PRSS23: variants seen among roughly 807,000 people sequenced by gnomAD.
PRSS23 encodes serine protease 23.
PRSS23 carries 25 observed loss-of-function variants against 34.7 expected under a neutral mutation model. The ratio of observed to expected loss-of-function variants is 0.72; its 90% CI spans 0.53 to 1.01. The LOEUF is 1.01. Ranked by LOEUF, PRSS23 falls within the 50% of genes least tolerant of loss-of-function variation. PRSS23 has a pLI of 0.00. For synonymous variants in PRSS23, 176 were observed against 186.6 expected, an observed-to-expected ratio of 0.94 and a Z score of 0.46; for missense variants, 445 against 475.6, an observed-to-expected ratio of 0.94 and a Z score of 0.60.
At chr11:86,841,385 G>A (rs12365857) in intron 2 of PRSS23, among the ~76,000 whole-genome samples, 59,748 of 145,724 alleles carry the variant, frequency 0.41, 12,621 homozygotes, top group East Asian at 0.47. Flanking sequence ...CAAGGACTAG[G>A]GAAGCCAGAG....
chr11:86,871,674 A>G (rs1168835177), intron 2 of PRSS23, among the ~76,000 whole-genome samples: 1 of 152,166 alleles, frequency 6.6e-6, no homozygotes, highest in African/African-American at 2.4e-5. Flanking sequence ...ATGACTGACA[A>G]CAATTGCCTC....
chr11:86,904,191 G>T (rs1948928329), intron 2 of PRSS23, among the ~76,000 whole-genome samples: 1 of 152,180 alleles, frequency 6.6e-6, no homozygotes, highest in South Asian at 2.1e-4. Flanking sequence ...TGTGGACCCA[G>T]GTTGAAGGAA....
chr11:86,832,618 C>T (rs536181254), intron 2 of PRSS23: 32 of 493,252 alleles, frequency 6.5e-5, no homozygotes, highest in African/African-American at 4.5e-4. Context: ...GGGTGATCAC[C>T]GTGTACATCA....
chr11:86,896,136 A>G (rs534082804), intron 2 of PRSS23, among the ~76,000 whole-genome samples: 2 of 152,310 alleles, frequency 1.3e-5, no homozygotes, highest in East Asian at 1.9e-4. Context: ...AAAACTACCA[A>G]TTAAGTTTGC....
chr11:86,906,532 G>T (rs1948944215), intron 2 of PRSS23, among the ~76,000 whole-genome samples: 1 of 152,202 alleles, frequency 6.6e-6, no homozygotes, highest in Admixed American at 6.5e-5. Context: ...GCAGTGCCTC[G>T]CCAACTCCGG....
At chr11:86,824,964 G>T (rs1049132319) in intron 2 of PRSS23, among the ~76,000 whole-genome samples, 3 of 152,106 alleles carry the variant, frequency 2.0e-5, no homozygotes, top group Non-Finnish European at 4.4e-5. Flanking sequence ...CTTTATAGCA[G>T]CATGATTTAT....
intron 2 of PRSS23, among the ~76,000 whole-genome samples, chr11:86,824,892 G>C (rs1948286973): frequency 6.6e-6 from 1 of 151,934 alleles, no homozygotes; most frequent in African/African-American, 2.4e-5. Context: ...TTGGACATTT[G>C]GATTGGTTCC....
intron 2 of PRSS23, among the ~76,000 whole-genome samples, chr11:86,877,889 G>A (rs1948735799): frequency 6.7e-6 from 1 of 150,114 alleles, no homozygotes; most frequent in Admixed American, 6.6e-5. Context: ...TGGGGGGTGT[G>A]CAGGTAGGAT....
intron 2 of PRSS23, among the ~76,000 whole-genome samples, chr11:86,853,718 G>T (rs1948548051): frequency 6.6e-6 from 1 of 152,106 alleles, no homozygotes; most frequent in Admixed American, 6.5e-5. Context: ...TTCCACTGCT[G>T]GCTTCTAATT....
At chr11:86,921,228 A>G (rs1026830252) in intron 2 of PRSS23, 1 of 152,152 alleles carries the variant, frequency 6.6e-6, no homozygotes, top group Non-Finnish European at 1.5e-5. Context: ...TCTCAGCTTA[A>G]ATATTACCTG....
chr11:86,861,021 C>A (rs1052946086), intron 2 of PRSS23, among the ~76,000 whole-genome samples: 3 of 151,794 alleles, frequency 2.0e-5, no homozygotes, highest in Non-Finnish European at 4.4e-5. Flanking sequence ...TGATATTACT[C>A]CCAATATCGC....
At chr11:86,792,602 A>G (rs1375004383) in intron 1 of PRSS23, among the ~76,000 whole-genome samples, 1 of 152,268 alleles carries the variant, frequency 6.6e-6, no homozygotes, top group Non-Finnish European at 1.5e-5. Context: ...GGGAGGAGAA[A>G]CATAAGCTGA....
At chr11:86,842,750 C>A (rs1381045095) in intron 2 of PRSS23, among the ~76,000 whole-genome samples, 1 of 152,192 alleles carries the variant, frequency 6.6e-6, no homozygotes, top group African/African-American at 2.4e-5. Context: ...AACAACAAAT[C>A]ACTGCTCAAC....
downstream of PRSS23, among the ~76,000 whole-genome samples, chr11:86,813,655 TAATAA>T (rs1948195656): frequency 1.3e-5 from 2 of 151,248 alleles, no homozygotes; most frequent in Non-Finnish European, 2.9e-5. Context: ...TTTTTAAGCC[TAATAA>T]AATGTGTTAA....
chr11:86,906,156 G>A (rs899179085), intron 2 of PRSS23, among the ~76,000 whole-genome samples: 8 of 152,190 alleles, frequency 5.3e-5, no homozygotes, highest in African/African-American at 1.7e-4. Context: ...TGGCGGGGCC[G>A]GGGGGCGGGG....
chr11:86,793,365 A>G (rs930750281), intron 1 of PRSS23, among the ~76,000 whole-genome samples: 1 of 152,220 alleles, frequency 6.6e-6, no homozygotes, highest in Non-Finnish European at 1.5e-5. Flanking sequence ...GGGGGACTCC[A>G]TGGTAGAGCA....
chr11:86,891,062 C>T (rs1948838165), intron 2 of PRSS23, among the ~76,000 whole-genome samples: 1 of 152,098 alleles, frequency 6.6e-6, no homozygotes, highest in Admixed American at 6.5e-5. Context: ...TCTAAAACAC[C>T]TAATTATTTG....
At chr11:86,834,154 G>A (rs1948383756) in intron 2 of PRSS23, among the ~76,000 whole-genome samples, 1 of 152,210 alleles carries the variant, frequency 6.6e-6, no homozygotes, top group South Asian at 2.1e-4. Context: ...ACACTTCACA[G>A]GCCCTGACCA....
At chr11:86,885,760 T>C (rs1397679439) in intron 2 of PRSS23, among the ~76,000 whole-genome samples, 1 of 152,240 alleles carries the variant, frequency 6.6e-6, no homozygotes, top group Non-Finnish European at 1.5e-5. Context: ...TCTCCCTCTC[T>C]CTTTATAAAT....
Sources: allele counts gnomAD v4.1 joint callset (sites outside exome capture counted in the v4.1 genomes callset), GRCh38; gene constraint gnomAD v4.1.1; transcripts MANE v1.5; gene names NCBI Gene and HGNC (gene_info 2026-07-23, HGNC 2026-07-21).